Variants in CDH10 observed in about 807,000 individuals in gnomAD.
The protein encoded by CDH10 is cadherin-10.
CDH10 carries 30 observed loss-of-function variants against 73.1 expected under a neutral mutation model. That is an observed-to-expected ratio of 0.41 (90% confidence interval 0.31 to 0.56). The LOEUF is 0.56. Among genes scored for constraint, CDH10 ranks in the 20% least tolerant of loss-of-function variants. The pLI is 0.27. For missense variants in CDH10, 815 were observed against 973.7 expected (o/e 0.84, Z 2.17); for synonymous variants, 345 against 348.2 (o/e 0.99, Z 0.10).
At chr5:24,538,658 C>T (rs1422567365) in intron 2 of CDH10, among the ~76,000 whole-genome samples, 1 of 151,808 alleles carries the variant, frequency 6.6e-6, no homozygotes, top group Non-Finnish European at 1.5e-5. Context: ...GTACTAGTGA[C>T]TGAGTCTAAC....
At chr5:24,621,160 G>A (rs765464332) in intron 1 of CDH10, among the ~76,000 whole-genome samples, 22 of 151,954 alleles carry the variant, frequency 1.4e-4, no homozygotes, top group Non-Finnish European at 2.1e-4. Context: ...CTCTAAGAGC[G>A]CTCACTCTGC....
chr5:24,547,519 T>A (rs748848735), intron 2 of CDH10, among the ~76,000 whole-genome samples: 5 of 152,124 alleles, frequency 3.3e-5, no homozygotes, highest in Admixed American at 3.3e-4. Context: ...TTTATGGTAC[T>A]GGAGTAAAAA....
chr5:24,493,855 T>C (rs1382441336), intron 9 of CDH10, among the ~76,000 whole-genome samples: 1 of 151,842 alleles, frequency 6.6e-6, no homozygotes, highest in Admixed American at 6.6e-5. Flanking sequence ...TGGATGAAAA[T>C]ATTTGTTGTT....
chr5:24,571,432 G>T (rs1422920996), intron 2 of CDH10, among the ~76,000 whole-genome samples: 1 of 152,024 alleles, frequency 6.6e-6, no homozygotes. Flanking sequence ...ATAACTGAGG[G>T]GTTATGTGAC....
At chr5:24,640,909 C>CT in intron 1 of CDH10, among the ~76,000 whole-genome samples, 1 of 151,914 alleles carries the variant, frequency 6.6e-6, no homozygotes, top group Non-Finnish European at 1.5e-5. Flanking sequence ...TCAAGAGTTA[C>CT]TTTTTTGTGA....
intron 1 of CDH10, among the ~76,000 whole-genome samples, chr5:24,639,693 T>C (rs1168891393): frequency 1.3e-5 from 2 of 151,930 alleles, no homozygotes; most frequent in East Asian, 3.9e-4. Flanking sequence ...TGGTAATACT[T>C]GTTTCTTGCA....
chr5:24,597,471 G>A (rs1266458710), intron 1 of CDH10, among the ~76,000 whole-genome samples: 1 of 152,064 alleles, frequency 6.6e-6, no homozygotes, highest in African/African-American at 2.4e-5. Context: ...AAGCTATATG[G>A]CGACTGCAGT....
chr5:24,496,066 T>C (rs147754889), intron 9 of CDH10, among the ~76,000 whole-genome samples: 2,345 of 152,166 alleles, frequency 0.015, 36 homozygotes, highest in South Asian at 0.025. Flanking sequence ...CTGGTTAAGT[T>C]TTCATATGTT....
intron 2 of CDH10, among the ~76,000 whole-genome samples, chr5:24,591,357 A>G (rs1746194941): frequency 6.6e-6 from 1 of 151,956 alleles, no homozygotes; most frequent in African/African-American, 2.4e-5. Context: ...GACTCAGAGA[A>G]GTGTGAGAGT....
In CDH10 at chr5:24,618,269, T is replaced by C. The variant is rs751623774; in HGVS notation, c.-123-24656A>G. Among the ~76,000 whole-genome samples the C allele has an allele frequency of 1.2e-4, 19 of 152,338 alleles. No homozygotes were observed. The South Asian group carries it at 1.9e-3, about 15-fold the overall frequency. On this transcript the variant is annotated intron_variant, in intron 1 of 11. Transcript: ENST00000264463. ...TCTGGAAACTGCACTCTCATGAATATGACTGAAGGATAACTTGTTACGAAG... is the reference window on the plus strand; with the variant it reads ...TCTGGAAACTGCACTCTCATGAATACGACTGAAGGATAACTTGTTACGAAG...
At chr5:24,519,873 T>C (rs1743248806) in intron 5 of CDH10, among the ~76,000 whole-genome samples, 1 of 152,140 alleles carries the variant, frequency 6.6e-6, no homozygotes, top group South Asian at 2.1e-4. Flanking sequence ...AGGATACAAG[T>C]CTGATGAGGA....
chr5:24,586,208 A>C lies in CDH10; in HGVS notation c.231+7052T>G, dbSNP rs554909726. On this transcript the variant is annotated intron_variant, in intron 2 of 11. Coordinates refer to ENST00000264463, the MANE Select transcript of CDH10 (RefSeq NM_006727.5). The stretch of plus-strand genomic sequence containing the variant: ...CATTTTAATTCAAAGTTCTACATTT[A>C]ATAGCTTTATGTAATCTATAAATGC... Among the ~76,000 whole-genome samples the C allele has an allele frequency of 7.9e-5, 12 of 152,308 alleles. No homozygotes were observed. In the South Asian group the frequency reaches 2.3e-3, roughly 29 times the overall value.
At chr5:24,500,607 T>C (rs13358191) in intron 8 of CDH10, among the ~76,000 whole-genome samples, 1 of 152,218 alleles carries the variant, frequency 6.6e-6, no homozygotes. Context: ...ACTCCACATA[T>C]TCAATGTCTT....
intron 8 of CDH10, among the ~76,000 whole-genome samples, chr5:24,503,786 A>G (rs1279901209): frequency 6.6e-6 from 1 of 152,196 alleles, no homozygotes; most frequent in Non-Finnish European, 1.5e-5. Flanking sequence ...TAAAAATATT[A>G]GAAGAAAATA....
At chr5:24,496,567 T>TCAC (rs1161362407) in intron 9 of CDH10, among the ~76,000 whole-genome samples, 2 of 152,196 alleles carry the variant, frequency 1.3e-5, no homozygotes, top group Non-Finnish European at 2.9e-5. Context: ...GTTTTATTTG[T>TCAC]CACCTCATTT....
chr5:24,554,709 G>A (rs1255845047), intron 2 of CDH10, among the ~76,000 whole-genome samples: 4 of 152,030 alleles, frequency 2.6e-5, no homozygotes, highest in Non-Finnish European at 5.9e-5. Context: ...TGGTAAAAAA[G>A]AGAAAGACTA....
chr5:24,505,501 C>T (rs1742669032), intron 7 of CDH10, among the ~76,000 whole-genome samples: 1 of 152,138 alleles, frequency 6.6e-6, no homozygotes, highest in Non-Finnish European at 1.5e-5. Context: ...TGTCTATTGT[C>T]ATATTCATTC....
chr5:24,630,324 G>A (rs1465813427), intron 1 of CDH10, among the ~76,000 whole-genome samples: 3 of 151,972 alleles, frequency 2.0e-5, no homozygotes, highest in Admixed American at 1.3e-4. Context: ...AGCTGAGGCC[G>A]GCAGATCACT....
chr5:24,566,921 C>A (rs1040952393), intron 2 of CDH10, among the ~76,000 whole-genome samples: 1 of 152,010 alleles, frequency 6.6e-6, no homozygotes, highest in Non-Finnish European at 1.5e-5. Context: ...GGGGTAAAAT[C>A]ATTTAGAATG....
Sources: allele counts gnomAD v4.1 joint callset (sites outside exome capture counted in the v4.1 genomes callset), GRCh38; gene constraint gnomAD v4.1.1; transcripts MANE v1.5; gene names NCBI Gene and HGNC (gene_info 2026-07-23, HGNC 2026-07-21).